EPM2A: variants seen among roughly 807,000 people sequenced by gnomAD.
EPM2A encodes EPM2A glucan phosphatase, laforin.
A neutral mutation model predicts 26.5 loss-of-function variants in EPM2A; 21 were observed. The ratio of observed to expected loss-of-function variants is 0.79; its 90% CI spans 0.56 to 1.14. The LOEUF (loss-of-function observed/expected upper bound fraction) is 1.14, where lower values mean the gene tolerates loss of function less well. Ranked by LOEUF, EPM2A falls within the 50% of genes most tolerant of loss-of-function variation. The pLI is 0.00. For missense variants in EPM2A, 458 were observed against 440.8 expected (o/e 1.04, Z -0.35); for synonymous variants, 217 against 177.6 (o/e 1.22, Z -1.76).
intron 1 of EPM2A, among the ~76,000 whole-genome samples, chr6:145,702,530 T>A (rs1346828773): frequency 6.6e-6 from 1 of 152,016 alleles, no homozygotes; most frequent in Non-Finnish European, 1.5e-5. Flanking sequence ...TGTGAGAGAA[T>A]TCAATGAGAT....
chr6:145,418,572 G>C (rs1004154668), intron 4 of EPM2A, among the ~76,000 whole-genome samples: 5 of 152,190 alleles, frequency 3.3e-5, no homozygotes, highest in Non-Finnish European at 5.9e-5. Flanking sequence ...GCAGACATGT[G>C]TTGCTGGGGC....
intron 2 of EPM2A, among the ~76,000 whole-genome samples, chr6:145,507,789 C>T (rs1381311494): frequency 6.6e-6 from 1 of 152,142 alleles, no homozygotes; most frequent in East Asian, 1.9e-4. Flanking sequence ...CTCTCTCTCA[C>T]CACAAGACCA....
intron 2 of EPM2A, among the ~76,000 whole-genome samples, chr6:145,677,296 G>A (rs878935434): frequency 6.6e-6 from 1 of 152,024 alleles, no homozygotes; most frequent in Non-Finnish European, 1.5e-5. Flanking sequence ...AATAGTAAGA[G>A]CTATTTATGA....
chr6:145,461,682 G>C (rs1779330287), intron 4 of EPM2A, among the ~76,000 whole-genome samples: 1 of 152,086 alleles, frequency 6.6e-6, no homozygotes, highest in Non-Finnish European at 1.5e-5. Flanking sequence ...TAAAGTCTCT[G>C]AAAAGACCAA....
chr6:145,623,884 T>G (rs568988656), downstream of EPM2A, among the ~76,000 whole-genome samples: 29 of 152,266 alleles, frequency 1.9e-4, 1 homozygote, highest in African/African-American at 6.3e-4. Context: ...AATGTGACAT[T>G]TGAAATAAAG....
At chr6:145,730,791 G>C (rs1426636944) in intron 1 of EPM2A, among the ~76,000 whole-genome samples, 1 of 152,228 alleles carries the variant, frequency 6.6e-6, no homozygotes, top group Non-Finnish European at 1.5e-5. Flanking sequence ...AAAAGGAACA[G>C]ATGTTACGAG....
chr6:145,645,524 C>T (rs1181175412), intron 2 of EPM2A, among the ~76,000 whole-genome samples: 1 of 152,072 alleles, frequency 6.6e-6, no homozygotes, highest in African/African-American at 2.4e-5. Context: ...ATGCTAATGT[C>T]GAACTCCCCA....
intron 2 of EPM2A, among the ~76,000 whole-genome samples, chr6:145,606,716 A>G (rs1775270606): frequency 6.6e-6 from 1 of 152,126 alleles, no homozygotes; most frequent in Non-Finnish European, 1.5e-5. Flanking sequence ...TAGTCTAGAA[A>G]TGTTTCATGG....
At chr6:145,446,377 C>CTGGTATAATATGCTATGTAGCAAAAGT (rs1429861166) in intron 4 of EPM2A, among the ~76,000 whole-genome samples, 5 of 152,110 alleles carry the variant, frequency 3.3e-5, no homozygotes, top group Admixed American at 6.6e-5. Flanking sequence ...ATAACTAGAT[C>CTGGTATAATATGCTATGTAGCAAAAGT]ATCAGTGGGC....
chr6:145,658,999 C>CA (rs1778492383), intron 2 of EPM2A, among the ~76,000 whole-genome samples: 1 of 152,108 alleles, frequency 6.6e-6, no homozygotes, highest in Non-Finnish European at 1.5e-5. Flanking sequence ...TTAGTTAACT[C>CA]ATTCAAATAG....
chr6:145,481,252 T>C (rs559707653), intron 4 of EPM2A, among the ~76,000 whole-genome samples: 1 of 152,256 alleles, frequency 6.6e-6, no homozygotes, highest in East Asian at 1.9e-4. Flanking sequence ...TTTCCTTTAT[T>C]TTTTACTTTT....
At chr6:145,605,851 T>TA (rs1478465298) in intron 2 of EPM2A, among the ~76,000 whole-genome samples, 1 of 152,104 alleles carries the variant, frequency 6.6e-6, no homozygotes, top group African/African-American at 2.4e-5. Context: ...CAAAAAATGA[T>TA]ACATCAAATC....
chr6:145,600,746 G>A (rs1781406578), intron 2 of EPM2A, among the ~76,000 whole-genome samples: 1 of 152,204 alleles, frequency 6.6e-6, no homozygotes, highest in Non-Finnish European at 1.5e-5. Context: ...TGGCTCCCCA[G>A]CAACCTGAAG....
intron 2 of EPM2A, among the ~76,000 whole-genome samples, chr6:145,509,848 A>G (rs1240647737): frequency 6.6e-6 from 1 of 152,214 alleles, no homozygotes; most frequent in Non-Finnish European, 1.5e-5. Flanking sequence ...TCTATCTCAC[A>G]TGTAATGAAA....
intron 4 of EPM2A, among the ~76,000 whole-genome samples, chr6:145,438,688 G>C (rs1582755554): frequency 6.6e-6 from 1 of 151,990 alleles, no homozygotes; most frequent in South Asian, 2.1e-4. Context: ...TGGTCAGGCT[G>C]GTCTCAAACT....
At chr6:145,531,605 C>T (rs1318606400) in intron 2 of EPM2A, among the ~76,000 whole-genome samples, 8 of 152,120 alleles carry the variant, frequency 5.3e-5, no homozygotes, top group African/African-American at 1.9e-4. Context: ...TGTCCACACG[C>T]CCTCAGATCC....
intron 2 of EPM2A, among the ~76,000 whole-genome samples, chr6:145,565,631 A>T (rs1780874928): frequency 6.6e-6 from 1 of 152,214 alleles, no homozygotes; most frequent in African/African-American, 2.4e-5. Context: ...GACAGAATCC[A>T]GGGACCCAGA....
chr6:145,632,055 C>A (rs909956802), intron 3 of EPM2A: 4 of 152,126 alleles, frequency 2.6e-5, no homozygotes, highest in African/African-American at 9.7e-5. Flanking sequence ...TCCTACAATT[C>A]CAACTTTGTG....
intron 1 of EPM2A, among the ~76,000 whole-genome samples, chr6:145,717,073 T>A (rs1468852987): frequency 2.0e-5 from 3 of 152,148 alleles, no homozygotes; most frequent in Admixed American, 6.5e-5. Context: ...TCTGAAACTA[T>A]TCCAATCAAT....
Sources: gnomAD v4.1 joint callset for allele counts (sites outside exome capture counted in the v4.1 genomes callset) on GRCh38, gnomAD v4.1.1 for gene constraint, MANE v1.5 for transcripts, NCBI Gene and HGNC (gene_info 2026-07-23, HGNC 2026-07-21) for gene names.